PLSCR5: variants seen among roughly 807,000 people sequenced by gnomAD.
The protein encoded by PLSCR5 is phospholipid scramblase family, member 5.
PLSCR5 carries 44 observed loss-of-function variants against 33.6 expected under a neutral mutation model. That is an observed-to-expected ratio of 1.31 (90% CI 1.03 to 1.69). PLSCR5 has a LOEUF of 1.69. PLSCR5 is among the 40% of genes most tolerant of loss of function. The pLI is 0.00. For missense variants in PLSCR5, 375 were observed against 318.7 expected (o/e 1.18, Z -1.34); for synonymous variants, 148 against 112.3 (o/e 1.32, Z -2.01).
chr3:146,578,675 G>C (rs2044614539), intron 7 of PLSCR5, among the ~76,000 whole-genome samples: 1 of 152,088 alleles, frequency 6.6e-6, no homozygotes. Context: ...ATGTTTGTAA[G>C]AAGTCTAGCC....
chr3:146,593,863 A>G lies in PLSCR5; in HGVS notation c.453+57T>C, dbSNP rs1470002995. On this transcript the variant is annotated intron_variant, in intron 4 of 7. Coordinates refer to ENST00000443512, the MANE Select transcript of PLSCR5 (RefSeq NM_001085420.2). ...TCATTGCTCCAGATGAATTCCTTTT[A>G]AAGAAACAAATGCTAATCTTAAAAA... 9.9e-6 allele frequency: 15 copies of G among 1,515,100 alleles called. No individual in the cohort carries two copies. The East Asian group carries it at 3.2e-4, about 32-fold the overall frequency. The allele number at this position is 1,515,100 out of a possible 1,614,324, so 93.9% of individuals were successfully genotyped here.
chr3:146,578,087 T>TTATTG (rs386398180), intron 7 of PLSCR5, among the ~76,000 whole-genome samples: 11,622 of 151,960 alleles, frequency 0.076, 497 homozygotes, highest in East Asian at 0.16. Context: ...ACATTTTATT[T>TTATTG]TATTATTTGG....
intron 1 of PLSCR5, among the ~76,000 whole-genome samples, chr3:146,601,657 A>G (rs1242936704): frequency 1.3e-5 from 2 of 152,192 alleles, no homozygotes; most frequent in Non-Finnish European, 2.9e-5. Flanking sequence ...AAGTATTCTC[A>G]TTACTCATAT....
At position 146,589,762 on chromosome 3, in the gene PLSCR5, G is replaced by A; in HGVS notation, c.668C>T (p.Ser223Leu). The A allele has an allele frequency of 1.9e-6, 3 of 1,588,650 alleles. No individual in the cohort carries two copies. Among genetic ancestry groups the A allele is most frequent in the Non-Finnish European group, 2.6e-6 (3 of 1,160,952 alleles). Residue 223 changes from serine to leucine, a missense_variant, in exon 6 of 8, where the codon TCA (serine) becomes TTA (leucine). Coordinates refer to ENST00000443512, the MANE Select transcript of PLSCR5 (RefSeq NM_001085420.2). ...LTIGKISKYW[S>L]GFVNDVFTNA... ...TGTGAAGACATCATTTACAAATCCT[G>A]ACCAGTACTTTGAAATCTTCCCAAT...
chr3:146,581,914 A>C (rs2107846110), downstream of PLSCR5, among the ~76,000 whole-genome samples: 1 of 152,342 alleles, frequency 6.6e-6, no homozygotes, highest in African/African-American at 2.4e-5. Context: ...TTCAGATCTT[A>C]ATGGGTCCAC....
At chr3:146,593,767 T>A (rs2044734109) in intron 4 of PLSCR5, among the ~76,000 whole-genome samples, 153 bp downstream of exon 4, 1 of 152,198 alleles carries the variant, frequency 6.6e-6, no homozygotes, top group South Asian at 2.1e-4. Flanking sequence ...AATTACCAAA[T>A]CCTCAAGCTG....
At chr3:146,579,918 A>G (rs929099167) in intron 7 of PLSCR5, among the ~76,000 whole-genome samples, 1 of 152,098 alleles carries the variant, frequency 6.6e-6, no homozygotes, top group African/African-American at 2.4e-5. Context: ...TCTGACTACT[A>G]TATTTCTATT....
intron 2 of PLSCR5, among the ~76,000 whole-genome samples, chr3:146,600,017 T>G (rs1445917589): frequency 6.6e-6 from 1 of 152,060 alleles, no homozygotes; most frequent in Non-Finnish European, 1.5e-5. Context: ...AATGAACAAG[T>G]GGATAAATAT....
intron 7 of PLSCR5, among the ~76,000 whole-genome samples, chr3:146,578,270 T>C (rs2044611401): frequency 6.6e-6 from 1 of 152,092 alleles, no homozygotes; most frequent in Non-Finnish European, 1.5e-5. Context: ...GGCTTACACA[T>C]TGGCTACTTT....
intron 6 of PLSCR5, among the ~76,000 whole-genome samples, chr3:146,587,363 G>A (rs1016227685): frequency 6.6e-6 from 1 of 152,180 alleles, no homozygotes; most frequent in African/African-American, 2.4e-5. Flanking sequence ...AAGAAAAACT[G>A]ATAAGGTTTA....
chr3:146,596,347 C>T (rs766902352), intron 2 of PLSCR5, among the ~76,000 whole-genome samples: 27 of 152,120 alleles, frequency 1.8e-4, no homozygotes, highest in Admixed American at 1.2e-3. Context: ...CGCCACCATG[C>T]TCGGCTAATT....
intron 7 of PLSCR5, among the ~76,000 whole-genome samples, chr3:146,578,273 G>T (rs2044611441): frequency 6.6e-6 from 1 of 151,776 alleles, no homozygotes; most frequent in Admixed American, 6.6e-5. Context: ...TTACACATTG[G>T]CTACTTTATC....
chr3:146,578,297 A>G (rs1316162626), intron 7 of PLSCR5, among the ~76,000 whole-genome samples: 1 of 152,158 alleles, frequency 6.6e-6, no homozygotes, highest in Non-Finnish European at 1.5e-5. Flanking sequence ...TATGTGGAAT[A>G]ATAACCACAA....
chr3:146,604,051 C>A (rs151133453), intron 1 of PLSCR5, among the ~76,000 whole-genome samples: 41 of 152,110 alleles, frequency 2.7e-4, no homozygotes, highest in African/African-American at 9.9e-4. Flanking sequence ...ATAAAGGAAG[C>A]AAGTAAGCAT....
At chr3:146,597,192 A>G (rs1394386742) in intron 2 of PLSCR5, among the ~76,000 whole-genome samples, 2 of 152,208 alleles carry the variant, frequency 1.3e-5, no homozygotes, top group Admixed American at 6.5e-5. Flanking sequence ...ATGAAAAAGT[A>G]GTACCTCTCT....
In PLSCR5 at chr3:146,587,347, A is replaced by G. The variant is rs544656993; in HGVS notation, c.778-1235T>C. 5.9e-5 allele frequency among the ~76,000 whole-genome samples: 9 copies of G among 152,352 alleles called. No individual in the cohort carries two copies. The South Asian group carries it at 1.9e-3, about 32-fold the overall frequency. On this transcript the variant is annotated intron_variant, in intron 6 of 7. Coordinates refer to ENST00000443512, the MANE Select transcript of PLSCR5 (RefSeq NM_001085420.2). ...GAACATATGTTTAGAGGGTTTCTGAAACAATAAGAAAAACTGATAAGGTTT... is the reference window on the plus strand; with the variant it reads ...GAACATATGTTTAGAGGGTTTCTGAGACAATAAGAAAAACTGATAAGGTTT...
intron 6 of PLSCR5, among the ~76,000 whole-genome samples, chr3:146,589,146 T>G (rs1389361259): frequency 6.6e-6 from 1 of 152,126 alleles, no homozygotes; most frequent in Non-Finnish European, 1.5e-5. Context: ...TGGAAAGTAA[T>G]AACAAGAACA....
At chr3:146,596,639 G>A (rs575281953) in intron 2 of PLSCR5, among the ~76,000 whole-genome samples, 28 of 151,800 alleles carry the variant, frequency 1.8e-4, no homozygotes, top group South Asian at 2.1e-4. Flanking sequence ...TTCTCCCTTC[G>A]CATTAATAAA....
At chr3:146,593,837 C>G (rs1343827816) in intron 4 of PLSCR5, 83 bp downstream of exon 4, 5 of 1,295,952 alleles carry the variant, frequency 3.9e-6, no homozygotes, top group Non-Finnish European at 5.5e-6. Context: ...GGTTAATTGC[C>G]TCATTGCTCC....
Sources: allele counts gnomAD v4.1 joint callset (sites outside exome capture counted in the v4.1 genomes callset), GRCh38; gene constraint gnomAD v4.1.1; transcripts MANE v1.5; gene names NCBI Gene and HGNC (gene_info 2026-07-23, HGNC 2026-07-21).